Variants in ATRNL1 observed in about 807,000 individuals in gnomAD.
The protein encoded by ATRNL1 is attractin-like protein 1.
A neutral mutation model predicts 182.7 loss-of-function variants in ATRNL1; 95 were observed. The ratio of observed to expected loss-of-function variants is 0.52; its 90% CI spans 0.44 to 0.62. The LOEUF (loss-of-function observed/expected upper bound fraction) is 0.62. Ranked by LOEUF, ATRNL1 falls within the 20% of genes least tolerant of loss-of-function variation. The probability of loss-of-function intolerance (pLI) is 0.00; values close to 1 mark genes in which losing one functional copy is unlikely to be tolerated. For synonymous variants in ATRNL1, 576 were observed against 568.3 expected, an observed-to-expected ratio of 1.01 and a Z score of -0.19; for missense variants, 1,471 against 1,679.5, an observed-to-expected ratio of 0.88 and a Z score of 2.17.
At chr10:115,635,596 T>A (rs1470200254) in intron 26 of ATRNL1, among the ~76,000 whole-genome samples, 3 of 152,304 alleles carry the variant, frequency 2.0e-5, no homozygotes, top group East Asian at 1.9e-4. Flanking sequence ...GCTGAGTATA[T>A]GGATACCCTG....
chr10:115,465,315 G>T lies in ATRNL1; in HGVS notation c.3418-1859G>T, dbSNP rs144325854. Among the ~76,000 whole-genome samples the T allele has an allele frequency of 1.6e-3, 237 of 151,584 alleles. 1 individual carries two copies. The highest frequency in any genetic ancestry group is 2.9e-3 in the Non-Finnish European group (196 of 67,644). ...ACCTTTGATATCTGGATTTTCCTTA[G>T]GACTACATTGTGTATATTTGGAAGT... On this transcript the variant is annotated intron_variant, in intron 22 of 28. Coordinates refer to ENST00000355044, the MANE Select transcript of ATRNL1 (RefSeq NM_207303.4).
intron 27 of ATRNL1, among the ~76,000 whole-genome samples, chr10:115,784,006 C>T (rs180743253): frequency 1.3e-5 from 2 of 152,250 alleles, no homozygotes; most frequent in East Asian, 3.9e-4. Context: ...AGCGAGACTC[C>T]ATCCCAAAAA....
At chr10:115,835,360 C>G (rs1950645501) in intron 27 of ATRNL1, among the ~76,000 whole-genome samples, 1 of 152,108 alleles carries the variant, frequency 6.6e-6, no homozygotes, top group Non-Finnish European at 1.5e-5. Flanking sequence ...TTGAGTAATG[C>G]TTACTCAGTT....
At chr10:115,694,930 CAT>C (rs1402981869) in intron 26 of ATRNL1, among the ~76,000 whole-genome samples, 155 of 107,826 alleles carry the variant, frequency 1.4e-3, no homozygotes, top group African/African-American at 3.4e-3. Flanking sequence ...CACACACACA[CAT>C]GCACACACGC....
At chr10:115,724,214 A>T (rs2134052481) in intron 26 of ATRNL1, among the ~76,000 whole-genome samples, 1 of 152,326 alleles carries the variant, frequency 6.6e-6, no homozygotes, top group Non-Finnish European at 1.5e-5. Context: ...CCTAATTTTC[A>T]GGATGAGTTT....
chr10:115,818,831 G>C (rs2960664), intron 27 of ATRNL1, among the ~76,000 whole-genome samples: 118,384 of 151,940 alleles, frequency 0.78, 46,283 homozygotes, highest in African/African-American at 0.84. Context: ...TGAGTCCTAC[G>C]CTTGTCCCAG....
chr10:115,638,947 C>T (rs1249403191), intron 26 of ATRNL1, among the ~76,000 whole-genome samples: 1 of 152,044 alleles, frequency 6.6e-6, no homozygotes, highest in Non-Finnish European at 1.5e-5. Context: ...ATCTGAGTCA[C>T]AGGAGTGGAG....
chr10:115,474,537 C>T (rs181025576), intron 24 of ATRNL1, among the ~76,000 whole-genome samples: 2 of 150,692 alleles, frequency 1.3e-5, no homozygotes, highest in African/African-American at 4.9e-5. Context: ...ATAGATGCCT[C>T]GAGTTTAGGG....
At chr10:115,742,163 A>G (rs11814712) in intron 27 of ATRNL1, among the ~76,000 whole-genome samples, 4,525 of 152,246 alleles carry the variant, frequency 0.03, 246 homozygotes, top group African/African-American at 0.1. Context: ...TAGATGACCC[A>G]TTTTGAAACT....
At chr10:115,926,891 A>T (rs1408752944) in intron 28 of ATRNL1, among the ~76,000 whole-genome samples, 1 of 152,194 alleles carries the variant, frequency 6.6e-6, no homozygotes, top group Non-Finnish European at 1.5e-5. Flanking sequence ...ATCGAAAAGG[A>T]GGGACTCTTC....
At chr10:115,871,454 G>A (rs1285271096) in intron 28 of ATRNL1, among the ~76,000 whole-genome samples, 6 of 124,056 alleles carry the variant, frequency 4.8e-5, no homozygotes, top group East Asian at 2.4e-4. Context: ...TCCTAGAAAG[G>A]CCTGGTCAGA....
chr10:115,695,654 A>T (rs989737457), intron 26 of ATRNL1, among the ~76,000 whole-genome samples: 27 of 152,152 alleles, frequency 1.8e-4, no homozygotes, highest in Non-Finnish European at 3.2e-4. Flanking sequence ...AATACTAAGG[A>T]TATTAAATTG....
chr10:115,305,048 G>T (rs1303068811), intron 17 of ATRNL1, among the ~76,000 whole-genome samples: 2 of 151,468 alleles, frequency 1.3e-5, no homozygotes, highest in African/African-American at 4.9e-5. Context: ...ATCCCTGTTG[G>T]TGGTAAATCT....
chr10:115,637,766 A>G (rs1555028753), intron 26 of ATRNL1, among the ~76,000 whole-genome samples: 1 of 151,764 alleles, frequency 6.6e-6, no homozygotes, highest in East Asian at 1.9e-4. Context: ...CTGGGATTCC[A>G]GGCATGCACC....
Position 115,266,905 on chromosome 10 carries a change from T to A in ATRNL1, c.1881T>A (p.Ala627=). The change falls in exon 12 of 29, where the codon GCT becomes GCA. Residue 627 remains alanine (A), a synonymous_variant. Coordinates refer to ENST00000355044, the MANE Select transcript of ATRNL1 (RefSeq NM_207303.4). ...AFRDEELCKN[A]GPGIKCVWNK... ...GAGATGAAGAACTTTGTAAAAATGC[T>A]GGTCCAGGGATAAAATGTGTTTGGA... 1 of 1,612,372 alleles carries A rather than the reference T, an allele frequency of 6.2e-7. No individual in the cohort carries two copies. The highest frequency in any genetic ancestry group is 1.3e-5 in the African/African-American group (1 of 74,966).
intron 15 of ATRNL1, among the ~76,000 whole-genome samples, chr10:115,290,799 A>T (rs1280005423): frequency 6.6e-6 from 1 of 152,182 alleles, no homozygotes; most frequent in East Asian, 1.9e-4. Flanking sequence ...AAGCTTAAGG[A>T]GGTGGTGTCT....
At chr10:115,287,656 G>A (rs1554919469) in intron 15 of ATRNL1, among the ~76,000 whole-genome samples, 1 of 152,032 alleles carries the variant, frequency 6.6e-6, no homozygotes, top group African/African-American at 2.4e-5. Flanking sequence ...GCAAATCAGG[G>A]AAATTAGCAT....
At position 115,672,367 on chromosome 10, in the gene ATRNL1, T is replaced by C. The variant is rs561553911; in HGVS notation, c.3796-54881T>C. On this transcript the variant is annotated intron_variant, in intron 26 of 28. Coordinates refer to ENST00000355044, the MANE Select transcript of ATRNL1 (RefSeq NM_207303.4). ...AGCCTATTCTTTTTCCAACTTATTG[T>C]ATTCCTTTTGAAAGAACACAACTTA... is the stretch of plus-strand genomic sequence containing the variant. 3.3e-4 allele frequency among the ~76,000 whole-genome samples: 51 copies of C among 152,274 alleles called. 1 individual carries two copies. The South Asian group carries it at 0.01, about 30-fold the overall frequency.
intron 21 of ATRNL1, among the ~76,000 whole-genome samples, chr10:115,433,568 T>G (rs558512809): frequency 6.6e-6 from 1 of 152,274 alleles, no homozygotes; most frequent in African/African-American, 2.4e-5. Context: ...GAGTCACATT[T>G]TTGGCATTTT....
Sources: allele counts gnomAD v4.1 joint callset (sites outside exome capture counted in the v4.1 genomes callset), GRCh38; gene constraint gnomAD v4.1.1; transcripts MANE v1.5; gene names NCBI Gene and HGNC (gene_info 2026-07-23, HGNC 2026-07-21).